Variants in REC8 observed in about 807,000 individuals in gnomAD.
REC8 encodes REC8 meiotic recombination protein.
Under a neutral mutation model 78.3 loss-of-function variants are expected in REC8, and 42 were observed. That is an observed-to-expected ratio of 0.54 (90% CI 0.42 to 0.69). The LOEUF is 0.69. Among genes scored for constraint, REC8 ranks in the 30% least tolerant of loss-of-function variants. REC8 has a pLI of 0.00. For synonymous variants in REC8, 268 were observed against 274.1 expected (o/e 0.98, Z 0.22); for missense variants, 581 against 715.8 (o/e 0.81, Z 2.15).
chr14:24,175,704 G>A, intron 6 of REC8, 80 bp downstream of exon 6: 1 of 1,120,598 alleles, frequency 8.9e-7, no homozygotes, highest in East Asian at 2.4e-5. Flanking sequence ...TTGAGCTTAA[G>A]AGCCAGGCCT....
At chr14:24,173,223 G>C (rs1449583202) in intron 4 of REC8, 25 bp downstream of exon 4, 3 of 1,614,124 alleles carry the variant, frequency 1.9e-6, no homozygotes, top group Non-Finnish European at 2.5e-6. Context: ...GGCCTTTGAT[G>C]GAACACCTGC....
intron 7 of REC8, 61 bp downstream of exon 7, chr14:24,176,962 C>T: frequency 2.8e-6 from 4 of 1,446,394 alleles, no homozygotes; most frequent in South Asian, 1.2e-5. Context: ...TCTCTCTGTC[C>T]CCAGAGTCCT....
downstream of REC8, chr14:24,180,468 G>T (rs2039113747): frequency 1.2e-6 from 2 of 1,612,968 alleles, no homozygotes. Flanking sequence ...ACAGCCTGGA[G>T]CTCCTGAGCC....
At position 24,178,168 on chromosome 14, in the gene REC8, C is replaced by T; in HGVS notation, c.942C>T (p.Ile314=). Residue 314 remains isoleucine, a synonymous_variant, in exon 12 of 19, where the codon ATC becomes ATT. Transcript: ENST00000611366. Reference sequence around the variant, plus strand: ...TGTTCTGGGACAAGGAGACTCAGATCTCCCCGGAGAAATTCCAGGAACAAC... The same window carrying T: ...TGTTCTGGGACAAGGAGACTCAGATTTCCCCGGAGAAATTCCAGGAACAAC... The part of the protein sequence containing the change: ...RLLFWDKETQ[I]SPEKFQEQLQ... 6.2e-7 allele frequency: 1 copy of T among 1,614,088 alleles called. No homozygotes were observed. The highest frequency in any genetic ancestry group is 8.5e-7 in the Non-Finnish European group (1 of 1,179,964).
At chr14:24,180,276 G>T, downstream of REC8, 8 of 1,532,710 alleles carry the variant, frequency 5.2e-6, no homozygotes, top group Non-Finnish European at 6.2e-6. Context: ...TGACTCATTT[G>T]TAACAGATCC....
chr14:24,177,333 CTCTGATT>C lies in REC8; in HGVS notation c.707-19_707-13del. Reference sequence around the variant, plus strand: ...CATTTCTCTTTTTCTGTCCTCTGAACTCTGATTCTCTCTCCACAGTCCCGCGGCTCCC... The same window carrying C: ...CATTTCTCTTTTTCTGTCCTCTGAACCTCTCTCCACAGTCCCGCGGCTCCC... On this transcript the variant is annotated splice_polypyrimidine_tract_variant and intron_variant, in intron 8 of 18. Transcript: ENST00000611366. The C allele has an allele frequency of 6.2e-7, 1 of 1,614,206 alleles. No individual in the cohort carries two copies. Among genetic ancestry groups the C allele is most frequent in the Non-Finnish European group, 8.5e-7 (1 of 1,180,026 alleles).
At position 24,177,349 on chromosome 14, in the gene REC8, A is replaced by G. The variant is rs1267024569; in HGVS notation, c.707-4A>G. The G allele has an allele frequency of 1.2e-6, 2 of 1,613,956 alleles. No homozygotes were observed. Among genetic ancestry groups the G allele is most frequent in the Admixed American group, 1.7e-5 (1 of 60,014 alleles). On this transcript the variant is annotated splice_region_variant and splice_polypyrimidine_tract_variant and intron_variant, in intron 8 of 18. Coordinates refer to ENST00000611366, the MANE Select transcript of REC8 (RefSeq NM_001048205.2). Reference sequence around the variant, plus strand: ...TCCTCTGAACTCTGATTCTCTCTCCACAGTCCCGCGGCTCCCACCTCCAGC... The same window carrying G: ...TCCTCTGAACTCTGATTCTCTCTCCGCAGTCCCGCGGCTCCCACCTCCAGC...
rs939358071 is a variant in REC8, at chr14:24,172,508, C to G, written c.-45C>G. ...GCCCTAAAGAATTCCGACTCAGATC[C>G]GAACGGGGATCTGGTGGAATCGAGG... is the stretch of plus-strand genomic sequence containing the variant. On this transcript the variant is annotated 5_prime_UTR_variant, in exon 1 of 19. Coordinates refer to ENST00000611366, the MANE Select transcript of REC8 (RefSeq NM_001048205.2). 2.5e-6 allele frequency: 4 copies of G among 1,580,986 alleles called. No homozygotes were observed. The highest frequency in any genetic ancestry group is 2.6e-6 in the Non-Finnish European group (3 of 1,157,354).
In REC8 at chr14:24,176,845, C is replaced by T. The variant is rs1344447380; in HGVS notation, c.568C>T (p.Pro190Ser). Residue 190 changes from proline (P) to serine (S), a missense_variant, in exon 7 of 19, where the codon CCA becomes TCA. Transcript: ENST00000611366. ...AGAGAGGATTCCGGTCACTGTGCTG[C>T]CACCTGAGGCCATCACGATCCTGGA... Reference protein sequence around the residue: ...EPERIPVTVLPPEAITILEAE... With the variant: ...EPERIPVTVLSPEAITILEAE... 1 of 1,613,492 alleles carries T rather than the reference C, an allele frequency of 6.2e-7. No individual in the cohort carries two copies. The highest frequency in any genetic ancestry group is 2.2e-5 in the East Asian group (1 of 44,862).
intron 15 of REC8, 92 bp from the exon 16 acceptor site, chr14:24,179,305 G>A (rs1056376374): frequency 1.6e-5 from 22 of 1,400,058 alleles, no homozygotes; most frequent in African/African-American, 1.4e-4. Context: ...ACAAGTCACC[G>A]CACGGCTCTG....
In REC8 at chr14:24,175,572, A is replaced by G. The variant is rs761703593; in HGVS notation, c.492A>G (p.Pro164=). 1 of 1,614,064 alleles carries G rather than the reference A, an allele frequency of 6.2e-7. No individual in the cohort carries two copies. Among genetic ancestry groups the G allele is most frequent in the Non-Finnish European group, 8.5e-7 (1 of 1,179,940 alleles). Residue 164 remains proline (P), a synonymous_variant, in exon 6 of 19, where the codon CCA becomes CCG. Coordinates refer to ENST00000611366, the MANE Select transcript of REC8 (RefSeq NM_001048205.2). ...QIRHLLEAAI[P]ERVEEIPPEV... The stretch of plus-strand genomic sequence containing the variant: ...GACACCTCTTAGAGGCTGCAATCCC[A>G]GAGAGAGTTGAAGAGATCCCTCCTG...
In REC8 at chr14:24,179,694, G is replaced by A. The variant is rs1594431313; in HGVS notation, c.1419G>A (p.Glu473=). 1.9e-6 allele frequency: 3 copies of A among 1,614,118 alleles called. No individual in the cohort carries two copies. The highest frequency in any genetic ancestry group is 4.5e-5 in the East Asian group (2 of 44,898). The change falls in exon 17 of 19, where the codon GAG becomes GAA. Residue 473 remains glutamate, a synonymous_variant. Transcript: ENST00000611366. ...AGATGCCTTTGGTGCTGCCCCCAGA[G>A]CTCGAGCTGCTCTCACTGGAAGCAG... ...PMEMPLVLPP[E]LELLSLEAVH...
rs1438856912 is a variant in REC8 at position 24,173,197 on chromosome 14, C to G, written c.340C>G (p.Leu114Val). 1 of 1,614,210 alleles carries G rather than the reference C, an allele frequency of 6.2e-7. No individual in the cohort carries two copies. Residue 114 changes from leucine to valine, a missense_variant and splice_region_variant, in exon 4 of 19, where the codon CTA becomes GTA. Physicochemically the swap from Leu to Val is conservative, Grantham distance 32 (BLOSUM62 1). Transcript: ENST00000611366. ...LQIRIDMETE[L>V]PSLLLPNHLA... ...GATCCGAATAGATATGGAGACTGAG[C>G]TGTGAGTGTGCCCTGGGCCTTTGAT...
chr14:24,180,208 G>A lies in REC8; in HGVS notation c.*113G>A. The A allele has an allele frequency of 6.2e-7, 1 of 1,604,132 alleles. No homozygotes were observed. The highest frequency in any genetic ancestry group is 8.5e-7 in the Non-Finnish European group (1 of 1,174,398). On this transcript the variant is annotated 3_prime_UTR_variant, in exon 19 of 19. Coordinates refer to ENST00000611366, the MANE Select transcript of REC8 (RefSeq NM_001048205.2). ...CTGAATGTGCATTTCCAGCCTTCTT[G>A]CTCTCAGAGCTATTGTTCAAGCAGA...
At position 24,180,201 on chromosome 14, in the gene REC8, C is replaced by G. The variant is rs2039102456; in HGVS notation, c.*106C>G. 1 of 1,607,872 alleles carries G rather than the reference C, an allele frequency of 6.2e-7. No individual in the cohort carries two copies. The highest frequency in any genetic ancestry group is 8.5e-7 in the Non-Finnish European group (1 of 1,176,366). Reference sequence around the variant, plus strand: ...CTCATTTCTGAATGTGCATTTCCAGCCTTCTTGCTCTCAGAGCTATTGTTC... The same window carrying G: ...CTCATTTCTGAATGTGCATTTCCAGGCTTCTTGCTCTCAGAGCTATTGTTC... On this transcript the variant is annotated 3_prime_UTR_variant, in exon 19 of 19. Coordinates refer to ENST00000611366, the MANE Select transcript of REC8 (RefSeq NM_001048205.2).
At chr14:24,179,230 C>T (rs953796757) in intron 15 of REC8, 97 bp downstream of exon 15, 17 of 1,243,586 alleles carry the variant, frequency 1.4e-5, no homozygotes, top group East Asian at 7.1e-5. Context: ...TGAGTGAAGG[C>T]GTGTGTGTGT....
downstream of REC8, chr14:24,180,823 G>C: frequency 7.0e-7 from 1 of 1,435,550 alleles, no homozygotes; most frequent in East Asian, 2.3e-5. Context: ...AGGGTGGTCA[G>C]GACCAAGGAG....
rs201131372 is a variant in REC8, at chr14:24,179,870, C to T, written c.1522C>T (p.Arg508Cys). The T allele has an allele frequency of 8.7e-6, 14 of 1,613,704 alleles. No individual in the cohort carries two copies. Among genetic ancestry groups the T allele is most frequent in the South Asian group, 2.2e-5 (2 of 91,036 alleles). Residue 508 changes from arginine to cysteine, a missense_variant, in exon 18 of 19, where the codon CGC becomes TGC. Transcript: ENST00000611366. ...FSSLVSPLSPRRMAARVFYLL... is the reference protein window; with the variant it reads ...FSSLVSPLSPCRMAARVFYLL... ...CAGCCTGGTGTCACCTCTCAGCCCC[C>T]GCAGGATGGCTGCCCGGGTCTTCTA...
chr14:24,179,497 A>G, intron 16 of REC8, 34 bp downstream of exon 16: 4 of 1,613,796 alleles, frequency 2.5e-6, no homozygotes, highest in Non-Finnish European at 3.4e-6. Context: ...GCCAGGGCCC[A>G]CAGCCCTTGG....
Sources: allele counts gnomAD v4.1 joint callset, GRCh38; gene constraint gnomAD v4.1.1; transcripts MANE v1.5; gene names NCBI Gene and HGNC (gene_info 2026-07-23, HGNC 2026-07-21).